Variants in SYNE2 observed in about 807,000 individuals in gnomAD.
SYNE2 encodes spectrin repeat containing nuclear envelope protein 2, also known as nesprin-2.
SYNE2 carries 431 observed loss-of-function variants against 856.3 expected under a neutral mutation model. The observed-to-expected ratio is 0.50, with a 90% confidence interval of 0.47 to 0.55. The LOEUF (loss-of-function observed/expected upper bound fraction) is 0.55, where lower values mean the gene tolerates loss of function less well. Among genes scored for constraint, SYNE2 ranks in the 20% least tolerant of loss-of-function variants. The probability of loss-of-function intolerance (pLI) is 0.00; values close to 1 mark genes in which losing one functional copy is unlikely to be tolerated. For synonymous variants in SYNE2, 2,923 were observed against 2,872.3 expected (o/e 1.02, Z -0.56); for missense variants, 8,129 against 8,023.2 (o/e 1.01, Z -0.50).
At chr14:64,212,755 C>A in intron 104 of SYNE2, 56 bp from the exon 105 acceptor site, 3 of 1,514,144 alleles carry the variant, frequency 2.0e-6, no homozygotes, top group South Asian at 1.1e-5. Flanking sequence ...AAGAAACAGG[C>A]AGTGGAAGCT....
intron 6 of SYNE2, among the ~76,000 whole-genome samples, chr14:63,948,800 A>ATGTGTGTGTGTG (rs74216992): frequency 3.0e-5 from 3 of 100,928 alleles, no homozygotes; most frequent in Admixed American, 1.1e-4. Context: ...ATATATATAT[A>ATGTGTGTGTGTG]TATATATATA....
At chr14:63,957,658 G>A (rs576622229) in intron 8 of SYNE2, among the ~76,000 whole-genome samples, 324 of 152,036 alleles carry the variant, frequency 2.1e-3, no homozygotes, top group Non-Finnish European at 3.7e-3. Context: ...CATGAGGGAA[G>A]GAGTTCAAGA....
At position 64,167,306 on chromosome 14, in the gene SYNE2, T is replaced by G; in HGVS notation, c.16679T>G (p.Leu5560Arg). 1 of 1,614,226 alleles carries G rather than the reference T, an allele frequency of 6.2e-7. No homozygotes were observed. The highest frequency in any genetic ancestry group is 1.3e-5 in the African/African-American group (1 of 75,062). Residue 5560 changes from leucine (L) to arginine (R), a missense_variant, in exon 91 of 116, where the codon CTT becomes CGT. This residue lies in a region of SYNE2 where 5,410 missense variants were observed against 5,284.8 expected (regional missense o/e 1.02). Coordinates refer to ENST00000555002, the MANE Select transcript of SYNE2 (RefSeq NM_182914.3). Reference sequence around the variant, plus strand: ...AATGAAGTGAGCCTCAAGCTCCCACTTAGTGACGTAGCTGTGAAGACGTTA... The same window carrying G: ...AATGAAGTGAGCCTCAAGCTCCCACGTAGTGACGTAGCTGTGAAGACGTTA... ...HLNEVSLKLPLSDVAVKTLQN... is the reference protein window; with the variant it reads ...HLNEVSLKLPRSDVAVKTLQN...
chr14:64,142,686 C>T (rs2098148938), intron 82 of SYNE2, among the ~76,000 whole-genome samples: 1 of 152,124 alleles, frequency 6.6e-6, no homozygotes, highest in African/African-American at 2.4e-5. Flanking sequence ...AGACCAGGGG[C>T]CATCCTTCAC....
chr14:64,064,473 G>A (rs927813868), intron 50 of SYNE2, among the ~76,000 whole-genome samples: 4 of 149,802 alleles, frequency 2.7e-5, no homozygotes, highest in Non-Finnish European at 4.4e-5. Context: ...TTTTTGGACC[G>A]TTGTTAATCA....
chr14:63,964,164 T>C (rs1176846965), intron 10 of SYNE2, among the ~76,000 whole-genome samples, 164 bp downstream of exon 10: 3 of 152,282 alleles, frequency 2.0e-5, no homozygotes, highest in Non-Finnish European at 2.9e-5. Context: ...AAGGTGCATG[T>C]GATTCACTGG....
chr14:64,025,318 C>T lies in SYNE2; in HGVS notation c.6149C>T (p.Ala2050Val). ...GAGGACCAGAGCTTTAATGATCTTG[C>T]ACATGATGTAATTCATTGGATAAAA... Reference protein sequence around the residue: ...PTEDQSFNDLAHDVIHWIKEI... With the variant: ...PTEDQSFNDLVHDVIHWIKEI... The change falls in exon 41 of 116, where the codon GCA becomes GTA. Residue 2050 changes from alanine (A) to valine (V), a missense_variant. By Grantham distance (64) the Ala-to-Val change is moderately conservative. Coordinates refer to ENST00000555002, the MANE Select transcript of SYNE2 (RefSeq NM_182914.3). 6 of 1,614,054 alleles carry T rather than the reference C, an allele frequency of 3.7e-6. No individual in the cohort carries two copies. The highest frequency in any genetic ancestry group is 4.2e-6 in the Non-Finnish European group (5 of 1,179,954).
At chr14:63,796,994 G>T (rs999100194) in intron 1 of SYNE2, among the ~76,000 whole-genome samples, 1 of 150,446 alleles carries the variant, frequency 6.6e-6, no homozygotes, top group Admixed American at 6.7e-5. Flanking sequence ...CAGAAGAATC[G>T]CTTGAACCCA....
chr14:63,959,242 A>G (rs2096277826), intron 8 of SYNE2, among the ~76,000 whole-genome samples: 4 of 149,836 alleles, frequency 2.7e-5, no homozygotes, highest in African/African-American at 7.4e-5. Context: ...TGAACTTAGA[A>G]CTTATATGTG....
intron 97 of SYNE2, among the ~76,000 whole-genome samples, chr14:64,187,095 T>C (rs951342209): frequency 2.6e-4 from 40 of 152,396 alleles, no homozygotes; most frequent in Admixed American, 9.1e-4. Context: ...ACTGCTATGT[T>C]GTCTCAATGG....
intron 78 of SYNE2, among the ~76,000 whole-genome samples, chr14:64,134,864 G>A (rs1425303003): frequency 1.3e-5 from 2 of 152,024 alleles, no homozygotes; most frequent in African/African-American, 2.4e-5. Flanking sequence ...GCATGTGCCT[G>A]TAATCCCAGT....
intron 1 of SYNE2, among the ~76,000 whole-genome samples, chr14:63,778,065 C>T (rs1005923852): frequency 6.6e-6 from 1 of 152,270 alleles, no homozygotes; most frequent in South Asian, 2.1e-4. Context: ...TATGTCACCA[C>T]CCAAATCTCA....
chr14:64,080,042 AGCGTGTGTGTGTGTGTGTGTGTGC>A (rs2097506420), intron 55 of SYNE2, among the ~76,000 whole-genome samples: 1 of 147,484 alleles, frequency 6.8e-6, no homozygotes, highest in African/African-American at 2.7e-5. Flanking sequence ...AGATTAAGAG[AGCGTGTGTGTGTGTGTGTGTGTGC>A]GCGTGCGTGT....
rs1271967316 is a variant in SYNE2 at position 63,843,625 on chromosome 14, T to G, written c.-304-8876T>G. Among the ~76,000 whole-genome samples the G allele has an allele frequency of 2.0e-5, 3 of 152,290 alleles. No individual in the cohort carries two copies. The East Asian group carries it at 5.8e-4, about 29-fold the overall frequency. On this transcript the variant is annotated intron_variant, in intron 1 of 23. Transcript: ENST00000674003. The stretch of plus-strand genomic sequence containing the variant: ...GATTAAGGTGCTGAGATATATTTTA[T>G]CATGTTAAGGAAGTACCCAACAATT...
chr14:64,063,600 C>T (rs887966411), intron 50 of SYNE2, among the ~76,000 whole-genome samples: 3 of 152,192 alleles, frequency 2.0e-5, no homozygotes, highest in African/African-American at 7.2e-5. Context: ...TAGACTGTTA[C>T]AAAGCAATTT....
At chr14:63,794,145 G>A (rs1287237274) in intron 1 of SYNE2, among the ~76,000 whole-genome samples, 1 of 152,108 alleles carries the variant, frequency 6.6e-6, no homozygotes, top group African/African-American at 2.4e-5. Context: ...CAGAATTGAA[G>A]TGAGAAATAC....
At chr14:64,145,385 G>T (rs1191755986) in intron 83 of SYNE2, among the ~76,000 whole-genome samples, 2 of 151,856 alleles carry the variant, frequency 1.3e-5, no homozygotes, top group Non-Finnish European at 2.9e-5. Flanking sequence ...GCACGTGCCT[G>T]TAATCCCTGC....
chr14:64,075,945 G>C lies in SYNE2; in HGVS notation c.10867G>C (p.Glu3623Gln). The change falls in exon 54 of 116, where the codon GAG (glutamate) becomes CAG (glutamine). Residue 3623 changes from glutamate to glutamine, a missense_variant and splice_region_variant. Physicochemically the swap from Glu to Gln is conservative, Grantham distance 29. Around this residue, in one of 3 missense-constraint regions of SYNE2, gnomAD observed 5,410 missense variants for 5,284.8 expected, o/e 1.02. Transcript: ENST00000555002. ...DHPEKSEQFE[E>Q]LQSILKKGKL... ...ATTGCAACTCTCTTAATGCTTTTAG[G>C]AGCTTCAAAGCATCCTTAAGAAAGG... 1 of 1,613,580 alleles carries C rather than the reference G, an allele frequency of 6.2e-7. No homozygotes were observed. The highest frequency in any genetic ancestry group is 8.5e-7 in the Non-Finnish European group (1 of 1,179,740).
At chr14:63,980,810 A>G (rs2096580173) in intron 15 of SYNE2, 78 bp downstream of exon 15, 1 of 1,210,638 alleles carries the variant, frequency 8.3e-7, no homozygotes, top group Non-Finnish European at 1.2e-6. Context: ...TTTCTATATA[A>G]TGTTTTAGAA....
Sources: allele counts gnomAD v4.1 joint callset (sites outside exome capture counted in the v4.1 genomes callset), GRCh38; gene constraint gnomAD v4.1.1; regional missense constraint gnomAD v4.1.1; transcripts MANE v1.5; gene names NCBI Gene and HGNC (gene_info 2026-07-23, HGNC 2026-07-21).